The following PGBD2 variants were observed in gnomAD, a reference collection of about 807,000 sequenced individuals.
PGBD2 encodes the protein piggyBac transposable element derived 2.
PGBD2 carries 6 observed loss-of-function variants against 8.1 expected under a neutral mutation model. The observed-to-expected ratio is 0.74, with a 90% confidence interval of 0.40 to 1.46. The LOEUF is 1.46. Among genes scored for constraint, PGBD2 ranks in the 40% most tolerant of loss-of-function variants. PGBD2 has a pLI of 0.02. For missense variants in PGBD2, 802 were observed against 739.0 expected, an observed-to-expected ratio of 1.09 and a Z score of -0.99; for synonymous variants, 318 against 272.2, an observed-to-expected ratio of 1.17 and a Z score of -1.66.
upstream of PGBD2, among the ~76,000 whole-genome samples, chr1:248,901,845 A>C (rs111428985): frequency 6.3e-3 from 954 of 152,330 alleles, 15 homozygotes; most frequent in African/African-American, 0.022. Context: ...ATGGGAGAAA[A>C]ATTTTGCAAT....
chr1:248,876,741 T>C, the PGBD2 span, among the ~76,000 whole-genome samples: 1 of 152,206 alleles, frequency 6.6e-6, no homozygotes, highest in East Asian at 1.9e-4. Context: ...CACCAGTCAA[T>C]TGATTTAAAT....
At chr1:248,913,749 A>G in intron 1 of PGBD2, 67 bp from the exon 2 acceptor site, 1 of 834,864 alleles carries the variant, frequency 1.2e-6, no homozygotes, top group South Asian at 1.4e-5. Flanking sequence ...TAAATGGTAG[A>G]AAAGATCCTG....
At chr1:248,886,594 G>C in the PGBD2 span, among the ~76,000 whole-genome samples, 1 of 152,220 alleles carries the variant, frequency 6.6e-6, no homozygotes, top group Admixed American at 6.5e-5. Flanking sequence ...TCATGTTGGA[G>C]AATTGCATTT....
At chr1:248,906,424 C>G (rs895868136) in intron 1 of PGBD2, 82 bp downstream of exon 1, 1 of 152,034 alleles carries the variant, frequency 6.6e-6, no homozygotes, top group African/African-American at 2.4e-5. Flanking sequence ...GTTTTCTCAA[C>G]GGCGGCATCC....
chr1:248,896,982 C>T, the PGBD2 span, among the ~76,000 whole-genome samples: 1 of 152,208 alleles, frequency 6.6e-6, no homozygotes, highest in Non-Finnish European at 1.5e-5. Flanking sequence ...AAAGATTTTC[C>T]TCCCCATTTA....
intron 2 of PGBD2, chr1:248,914,704 T>G (rs1662029575): frequency 1.1e-6 from 1 of 908,346 alleles, no homozygotes; most frequent in Admixed American, 2.8e-5. Flanking sequence ...TCCATTCTCA[T>G]AGCCAGGGTG....
chr1:248,883,418 G>A, the PGBD2 span, among the ~76,000 whole-genome samples: 19 of 151,750 alleles, frequency 1.3e-4, no homozygotes, highest in African/African-American at 4.4e-4. Context: ...CACTGCACCC[G>A]GTCCTTTGCC....
At chr1:248,906,562 C>G (rs1015241078) in intron 1 of PGBD2, 1 of 130,644 alleles carries the variant, frequency 7.7e-6, no homozygotes, top group Non-Finnish European at 1.6e-5. Flanking sequence ...GAGGCCGGGC[C>G]GGCTGAGCGG....
the PGBD2 span, among the ~76,000 whole-genome samples, chr1:248,876,577 T>A: frequency 6.6e-6 from 1 of 152,214 alleles, no homozygotes; most frequent in Non-Finnish European, 1.5e-5. Context: ...TGGAAACTAG[T>A]CTTGTTATAT....
chr1:248,923,467 T>G (rs1233267195), downstream of PGBD2, among the ~76,000 whole-genome samples: 1 of 152,176 alleles, frequency 6.6e-6, no homozygotes, highest in African/African-American at 2.4e-5. Context: ...TGAGTTCTGC[T>G]CTGATCTTGC....
intron 1 of PGBD2, among the ~76,000 whole-genome samples, chr1:248,913,329 A>G (rs983113741): frequency 6.6e-6 from 1 of 152,208 alleles, no homozygotes; most frequent in Non-Finnish European, 1.5e-5. Context: ...TTATAGTTAT[A>G]TAAGTGGTGT....
chr1:248,901,085 T>C, the PGBD2 span, among the ~76,000 whole-genome samples: 1 of 151,890 alleles, frequency 6.6e-6, no homozygotes, highest in South Asian at 2.1e-4. Context: ...CTCAAGGAAA[T>C]CAGAGAGGAC....
the PGBD2 span, among the ~76,000 whole-genome samples, chr1:248,893,868 A>C: frequency 6.6e-6 from 1 of 152,178 alleles, no homozygotes; most frequent in African/African-American, 2.4e-5. Flanking sequence ...ACAATGTATA[A>C]GGTTTCCCTT....
the PGBD2 span, among the ~76,000 whole-genome samples, chr1:248,898,317 C>G: frequency 6.3e-3 from 963 of 152,286 alleles, 16 homozygotes; most frequent in African/African-American, 0.022. Flanking sequence ...ACACCTCCAG[C>G]AGCATTTGGG....
At chr1:248,873,229 T>C in the PGBD2 span, among the ~76,000 whole-genome samples, 7 of 152,052 alleles carry the variant, frequency 4.6e-5, no homozygotes, top group Non-Finnish European at 7.4e-5. Flanking sequence ...GGCCTTCCCA[T>C]TGGACGCTAA....
At chr1:248,895,297 G>A in the PGBD2 span, among the ~76,000 whole-genome samples, 1 of 152,136 alleles carries the variant, frequency 6.6e-6, no homozygotes, top group Non-Finnish European at 1.5e-5. Context: ...AGAGTGCTAG[G>A]CCTCCTCTTT....
chr1:248,888,173 T>C, the PGBD2 span, among the ~76,000 whole-genome samples: 47 of 152,348 alleles, frequency 3.1e-4, no homozygotes, highest in African/African-American at 1.1e-3. Flanking sequence ...GATGGTCATC[T>C]AGTTGATTCT....
intron 1 of PGBD2, among the ~76,000 whole-genome samples, chr1:248,912,503 G>A (rs753399459): frequency 6.6e-6 from 1 of 152,076 alleles, no homozygotes; most frequent in South Asian, 2.1e-4. Context: ...CATTGACATC[G>A]GTAAAAATGC....
chr1:248,883,945 C>T, the PGBD2 span, among the ~76,000 whole-genome samples: 6 of 152,256 alleles, frequency 3.9e-5, no homozygotes, highest in East Asian at 1.2e-3. Context: ...TAGGTCCCAC[C>T]TGCCAATTTT....
Sources: gnomAD v4.1 joint callset for allele counts (sites outside exome capture counted in the v4.1 genomes callset) on GRCh38, gnomAD v4.1.1 for gene constraint, MANE v1.5 for transcripts, NCBI Gene and HGNC (gene_info 2026-07-23, HGNC 2026-07-21) for gene names.